Variants in HSD17B12 observed in about 807,000 individuals in gnomAD.
HSD17B12 encodes very-long-chain 3-oxoacyl-CoA reductase.
In HSD17B12, 32 loss-of-function variants were observed where a neutral mutation model predicts 39.3. The ratio of observed to expected loss-of-function variants is 0.81; its 90% CI spans 0.61 to 1.09. The LOEUF is 1.09. Ranked by LOEUF, HSD17B12 falls within the 50% of genes least tolerant of loss-of-function variation. HSD17B12 has a pLI of 0.00. For synonymous variants in HSD17B12, 150 were observed against 146.7 expected (o/e 1.02, Z -0.16); for missense variants, 342 against 382.9 (o/e 0.89, Z 0.89).
chr11:43,793,419 T>C (rs1165024419), intron 3 of HSD17B12, among the ~76,000 whole-genome samples: 1 of 152,184 alleles, frequency 6.6e-6, no homozygotes, highest in Non-Finnish European at 1.5e-5. Flanking sequence ...CAAGTTTATG[T>C]AAATTAGACT....
intron 1 of HSD17B12, among the ~76,000 whole-genome samples, chr11:43,745,669 T>G (rs1390666052): frequency 6.6e-6 from 1 of 152,198 alleles, no homozygotes; most frequent in African/African-American, 2.4e-5. Flanking sequence ...TAGGCAGTTG[T>G]AACACAGTGG....
At chr11:43,777,280 G>T (rs11037627) in intron 3 of HSD17B12, among the ~76,000 whole-genome samples, 1 of 151,888 alleles carries the variant, frequency 6.6e-6, no homozygotes, top group Non-Finnish European at 1.5e-5. Context: ...CTTTTATTTC[G>T]TTGAGCAGTG....
intron 9 of HSD17B12, among the ~76,000 whole-genome samples, chr11:43,845,684 C>T (rs1023343444): frequency 1.4e-4 from 21 of 152,140 alleles, no homozygotes; most frequent in African/African-American, 4.8e-4. Context: ...CAGGGCCTCA[C>T]GTGGGGAGAC....
chr11:43,661,493 G>A, the HSD17B12 span, among the ~76,000 whole-genome samples: 1 of 152,206 alleles, frequency 6.6e-6, no homozygotes. Flanking sequence ...CCCAGTAAGT[G>A]CATGTCTAAT....
the HSD17B12 span, among the ~76,000 whole-genome samples, chr11:43,588,505 T>G: frequency 4.6e-5 from 7 of 152,128 alleles, no homozygotes; most frequent in Non-Finnish European, 8.8e-5. Flanking sequence ...ATGGGGATAA[T>G]GATAACACCC....
At chr11:43,690,402 A>ATTTTTTTTTTTTTTTTTT (rs1454701982) in intron 1 of HSD17B12, among the ~76,000 whole-genome samples, 1 of 26,226 alleles carries the variant, frequency 3.8e-5, no homozygotes. Flanking sequence ...ATATATATAT[A>ATTTTTTTTTTTTTTTTTT]TATTTTTTTT....
upstream of HSD17B12, among the ~76,000 whole-genome samples, chr11:43,679,034 C>T (rs796960675): frequency 6.6e-6 from 1 of 152,254 alleles, no homozygotes; most frequent in African/African-American, 2.4e-5. Flanking sequence ...GCAGTATGGC[C>T]ATTTTCACGA....
intron 4 of HSD17B12, among the ~76,000 whole-genome samples, chr11:43,809,016 A>C (rs1454594702): frequency 1.3e-5 from 2 of 152,192 alleles, no homozygotes; most frequent in Non-Finnish European, 2.9e-5. Flanking sequence ...ATTAGGAGAA[A>C]TTTAATCAGT....
At chr11:43,680,630 G>A (rs1949732330), upstream of HSD17B12, 1 of 599,826 alleles carries the variant, frequency 1.7e-6, no homozygotes. Flanking sequence ...TCAGCTAATG[G>A]CTGACGCACT....
chr11:43,768,519 G>C (rs11037612), intron 3 of HSD17B12, among the ~76,000 whole-genome samples: 3,140 of 152,144 alleles, frequency 0.021, 92 homozygotes, highest in African/African-American at 0.057. Context: ...AAGCCAAAGA[G>C]GTTCCCCTTG....
chr11:43,576,803 A>G, the HSD17B12 span, among the ~76,000 whole-genome samples: 60 of 152,188 alleles, frequency 3.9e-4, no homozygotes, highest in African/African-American at 1.4e-3. Flanking sequence ...CTGCATGCAA[A>G]GAAACCGAGA....
intron 1 of HSD17B12, among the ~76,000 whole-genome samples, chr11:43,744,438 A>G (rs1950395973): frequency 6.6e-6 from 1 of 152,226 alleles, no homozygotes; most frequent in Non-Finnish European, 1.5e-5. Context: ...TTAGAAGACA[A>G]CGGAGAGTTG....
At chr11:43,649,089 GT>G in the HSD17B12 span, among the ~76,000 whole-genome samples, 29 of 151,786 alleles carry the variant, frequency 1.9e-4, no homozygotes, top group East Asian at 5.6e-3. Context: ...TAAAGTTGTA[GT>G]AAAAGAGTAG....
At chr11:43,698,124 T>C (rs1245268932) in intron 1 of HSD17B12, among the ~76,000 whole-genome samples, 1 of 151,614 alleles carries the variant, frequency 6.6e-6, no homozygotes, top group East Asian at 1.9e-4. Flanking sequence ...AGATAGGAGG[T>C]AAAGTTATGG....
intron 1 of HSD17B12, among the ~76,000 whole-genome samples, chr11:43,750,687 A>G (rs1950457475): frequency 6.6e-6 from 1 of 152,156 alleles, no homozygotes; most frequent in African/African-American, 2.4e-5. Context: ...AATGTGTGAG[A>G]GTCTAGTTGC....
intron 3 of HSD17B12, among the ~76,000 whole-genome samples, chr11:43,773,380 A>G (rs1950668326): frequency 6.6e-6 from 1 of 152,180 alleles, no homozygotes; most frequent in Non-Finnish European, 1.5e-5. Context: ...AGTTAGCACT[A>G]CAGGTGCACA....
intron 3 of HSD17B12, among the ~76,000 whole-genome samples, chr11:43,772,507 A>G (rs920414389): frequency 2.0e-5 from 3 of 152,182 alleles, no homozygotes; most frequent in Admixed American, 6.5e-5. Flanking sequence ...AGGAGGGCTT[A>G]ATGTTATTTA....
the HSD17B12 span, among the ~76,000 whole-genome samples, chr11:43,643,202 C>T: frequency 2.6e-5 from 4 of 152,044 alleles, no homozygotes; most frequent in Non-Finnish European, 5.9e-5. Context: ...ATTATTTTAT[C>T]TCTCAGTTAT....
chr11:43,629,225 T>A, the HSD17B12 span, among the ~76,000 whole-genome samples: 1 of 152,204 alleles, frequency 6.6e-6, no homozygotes, highest in Non-Finnish European at 1.5e-5. Context: ...AACGGCTGAT[T>A]CTGGCAAACT....
Sources: allele counts gnomAD v4.1 joint callset (sites outside exome capture counted in the v4.1 genomes callset), GRCh38; gene constraint gnomAD v4.1.1; transcripts MANE v1.5; gene names NCBI Gene and HGNC (gene_info 2026-07-23, HGNC 2026-07-21).